The following NFAM1 variants were observed in gnomAD, a reference collection of about 807,000 sequenced individuals.
The protein encoded by NFAM1 is NFAT activating protein with ITAM motif 1, also known as NFAT activation molecule 1.
Under a neutral mutation model 29.0 loss-of-function variants are expected in NFAM1, and 17 were observed. The ratio of observed to expected loss-of-function variants is 0.59; its 90% CI spans 0.40 to 0.88. The LOEUF is 0.88. Ranked by LOEUF, NFAM1 falls within the 40% of genes least tolerant of loss-of-function variation. The pLI is 0.00. For missense variants in NFAM1, 324 were observed against 344.6 expected, an observed-to-expected ratio of 0.94 and a Z score of 0.47; for synonymous variants, 175 against 147.2, an observed-to-expected ratio of 1.19 and a Z score of -1.36.
intron 1 of NFAM1, among the ~76,000 whole-genome samples, chr22:42,413,584 T>C (rs1930163816): frequency 6.6e-6 from 1 of 151,684 alleles, no homozygotes; most frequent in South Asian, 2.1e-4. Flanking sequence ...GAGACCAGCC[T>C]GGCTAACATG....
Position 42,397,848 on chromosome 22 carries a change from C to T in NFAM1, c.663+10G>A, listed in dbSNP as rs5996152. Reference sequence around the variant, plus strand: ...AAGAGGTGGAGGGAGCCGGGGGCCCCGGGACTCACTGTGTAGACAGATTCT... The same window carrying T: ...AAGAGGTGGAGGGAGCCGGGGGCCCTGGGACTCACTGTGTAGACAGATTCT... On this transcript the variant is annotated intron_variant, in intron 4 of 5. Transcript: ENST00000329021. 175 of 1,579,858 alleles carry T rather than the reference C, an allele frequency of 1.1e-4. No homozygotes were observed. The African/African-American group carries it at 1.9e-3, about 17-fold the overall frequency.
intron 2 of NFAM1, 43 bp downstream of exon 2, chr22:42,411,364 C>A: frequency 6.7e-7 from 1 of 1,494,084 alleles, no homozygotes; most frequent in Non-Finnish European, 9.2e-7. Context: ...CATTTGAAAC[C>A]TCTGTGTCCT....
At chr22:42,406,184 A>AC (rs1215186219) in intron 3 of NFAM1, among the ~76,000 whole-genome samples, 3 of 127,934 alleles carry the variant, frequency 2.3e-5, no homozygotes, top group Non-Finnish European at 3.5e-5. Context: ...CTCGCGCCTC[A>AC]CCCCCCGAGG....
rs765756013 is a variant in NFAM1, at chr22:42,385,256, AAGAG to A, written c.754-40_754-37del. The A allele has an allele frequency of 7.1e-6, 10 of 1,410,788 alleles. No individual in the cohort carries two copies. In the African/African-American group the frequency reaches 1.4e-4, roughly 20 times the overall value. 87.4% of individuals were successfully genotyped at this position (1,410,788 alleles called of 1,614,324 possible). On this transcript the variant is annotated intron_variant, in intron 5 of 5. Transcript: ENST00000329021. ...AAGAAGAAAGGGAGGGAAGGAGAGAAAGAGAGAGAATGACCATTAAGAATGAACT... is the reference window on the plus strand; with the variant it reads ...AAGAAGAAAGGGAGGGAAGGAGAGAAAGAGAATGACCATTAAGAATGAACT...
At chr22:42,395,193 G>A (rs1471385005) in intron 4 of NFAM1, among the ~76,000 whole-genome samples, 1 of 151,284 alleles carries the variant, frequency 6.6e-6, no homozygotes, top group Non-Finnish European at 1.5e-5. Flanking sequence ...AATAAAACAG[G>A]CCAAGCGTGG....
upstream of NFAM1, among the ~76,000 whole-genome samples, chr22:42,434,264 T>C (rs1466753859): frequency 6.6e-6 from 1 of 151,954 alleles, no homozygotes; most frequent in African/African-American, 2.4e-5. Context: ...GACGGATGGG[T>C]GAGCATAAGG....
chr22:42,424,582 C>T (rs917560965), intron 1 of NFAM1, among the ~76,000 whole-genome samples: 2 of 152,264 alleles, frequency 1.3e-5, no homozygotes, highest in Non-Finnish European at 2.9e-5. Context: ...CATCCCTTTA[C>T]GAAGCTGAAC....
intron 1 of NFAM1, among the ~76,000 whole-genome samples, chr22:42,417,690 A>G (rs1930306593): frequency 6.6e-6 from 1 of 151,886 alleles, no homozygotes; most frequent in Non-Finnish European, 1.5e-5. Context: ...AGGGGCAGGG[A>G]GTTTGGCCCA....
At chr22:42,426,001 G>A (rs1930610196) in intron 1 of NFAM1, among the ~76,000 whole-genome samples, 1 of 151,880 alleles carries the variant, frequency 6.6e-6, no homozygotes, top group African/African-American at 2.4e-5. Context: ...TTGACAGAGA[G>A]TTTGGATGTC....
In NFAM1 at chr22:42,388,057, G is replaced by A. The variant is rs1369633527; in HGVS notation, c.664-979C>T. Among the ~76,000 whole-genome samples the A allele has an allele frequency of 6.6e-6, 1 of 152,232 alleles. No individual in the cohort carries two copies. Among genetic ancestry groups the A allele is most frequent in the African/African-American group, 2.4e-5 (1 of 41,468 alleles). ...TGGCACAAAGGGAGCAGCACCAAAT[G>A]AGCTATGGTAAGGGGGCTTCCCCGT... is the stretch of plus-strand genomic sequence containing the variant. On this transcript the variant is annotated intron_variant, in intron 4 of 5. Transcript: ENST00000329021. The surrounding 1 kb of genome is among the most constrained non-coding windows in gnomAD (Gnocchi z 4.1).
rs1930387165 is a variant in NFAM1, at chr22:42,419,997, T to TTTTG, written c.122-8262_122-8261insCAAA. Among the ~76,000 whole-genome samples, 1 of 19,776 alleles carries TTTTG rather than the reference T, an allele frequency of 5.1e-5. No homozygotes were observed. The highest frequency in any genetic ancestry group is 8.7e-5 in the Non-Finnish European group (1 of 11,504). 13.0% of individuals were successfully genotyped at this position (19,776 alleles called of 152,430 possible). A position where few individuals can be genotyped will look rare whatever the true frequency, so the allele number is the denominator to read the frequency against. On this transcript the variant is annotated intron_variant, in intron 1 of 5. Coordinates refer to ENST00000329021, the MANE Select transcript of NFAM1 (RefSeq NM_145912.8). This position sits in a 1 kb window ranked among gnomAD's most constrained non-coding sequence, Gnocchi z 4.5. ...TCTGTAATCCCACTCTTGGTTTTTTTTTTTTTTTTTTTTTTTTTTTTTTTT... is the reference window on the plus strand; with the variant it reads ...TCTGTAATCCCACTCTTGGTTTTTTTTTTGTTTTTTTTTTTTTTTTTTTTTTTTT...
intron 4 of NFAM1, 106 bp downstream of exon 4, chr22:42,397,752 G>A (rs2147097452): frequency 1.4e-6 from 1 of 715,630 alleles, no homozygotes; most frequent in Non-Finnish European, 2.5e-6. Flanking sequence ...GAGGCTAGGA[G>A]AGTCCACACA....
At position 42,419,023 on chromosome 22, in the gene NFAM1, C is replaced by A. The variant is rs1930349030; in HGVS notation, c.122-7287G>T. The stretch of plus-strand genomic sequence containing the variant: ...TCCTTTTCCGGTTCTTCTTATGAAT[C>A]TGTGGCTGCTTGAACTTGGAGTTTG... On this transcript the variant is annotated intron_variant, in intron 1 of 5. Coordinates refer to ENST00000329021, the MANE Select transcript of NFAM1 (RefSeq NM_145912.8). The surrounding 1 kb of genome is among the most constrained non-coding windows in gnomAD (Gnocchi z 4.5). 6.6e-6 allele frequency among the ~76,000 whole-genome samples: 1 copy of A among 152,206 alleles called. No individual in the cohort carries two copies. The highest frequency in any genetic ancestry group is 6.5e-5 in the Admixed American group (1 of 15,280).
chr22:42,435,417 G>C (rs956958182), upstream of NFAM1, among the ~76,000 whole-genome samples: 1 of 149,830 alleles, frequency 6.7e-6, no homozygotes, highest in African/African-American at 2.5e-5. Context: ...GCGCGATCTC[G>C]GCTCACCGTA....
chr22:42,428,409 G>T (rs536641795), intron 1 of NFAM1, among the ~76,000 whole-genome samples: 2 of 152,150 alleles, frequency 1.3e-5, no homozygotes, highest in East Asian at 3.9e-4. Flanking sequence ...GGTCTCAGCC[G>T]GGAGCAGGCA....
chr22:42,429,356 C>T (rs530899548), intron 1 of NFAM1, among the ~76,000 whole-genome samples: 1 of 152,332 alleles, frequency 6.6e-6, no homozygotes, highest in South Asian at 2.1e-4. Flanking sequence ...TGGCTCACGC[C>T]TGTAATCCCA....
intron 1 of NFAM1, among the ~76,000 whole-genome samples, chr22:42,426,045 C>A (rs1930611753): frequency 6.6e-6 from 1 of 152,294 alleles, no homozygotes; most frequent in East Asian, 1.9e-4. Flanking sequence ...ACCCTCCAGA[C>A]CCAGGGAGCA....
At position 42,384,605 on chromosome 22, in the gene NFAM1, C is replaced by T. The variant is rs1461835042; in HGVS notation, c.*556G>A. 5.9e-6 allele frequency: 1 copy of T among 170,108 alleles called. No individual in the cohort carries two copies. Among genetic ancestry groups the T allele is most frequent in the Non-Finnish European group, 1.3e-5 (1 of 78,288 alleles). The allele number at this position is 170,108 out of a possible 1,614,324, so 10.5% of individuals were successfully genotyped here. A position where few individuals can be genotyped will look rare whatever the true frequency, so the allele number is the denominator to read the frequency against. Reference sequence around the variant, plus strand: ...AGGGGTCCATCATCCTTGTCTGTCCCCCAGACCTCCCACGCCAGCCCCTGC... The same window carrying T: ...AGGGGTCCATCATCCTTGTCTGTCCTCCAGACCTCCCACGCCAGCCCCTGC... On this transcript the variant is annotated 3_prime_UTR_variant, in exon 6 of 6. Transcript: ENST00000329021.
intron 4 of NFAM1, among the ~76,000 whole-genome samples, chr22:42,387,922 C>A (rs1929207030): frequency 1.3e-5 from 2 of 152,234 alleles, no homozygotes; most frequent in African/African-American, 4.8e-5. Flanking sequence ...GGCTCCTGCA[C>A]TGGGTCATGT....
Sources: allele counts gnomAD v4.1 joint callset (sites outside exome capture counted in the v4.1 genomes callset), GRCh38; gene constraint gnomAD v4.1.1; non-coding constraint Gnocchi (gnomAD v3.1); transcripts MANE v1.5; gene names NCBI Gene and HGNC (gene_info 2026-07-23, HGNC 2026-07-21).